The following SDK1 variants were observed in gnomAD, a reference collection of about 807,000 sequenced individuals.
The protein encoded by SDK1 is protein sidekick-1.
Under a neutral mutation model 245.5 loss-of-function variants are expected in SDK1, and 157 were observed. The observed-to-expected ratio is 0.64, with a 90% CI of 0.56 to 0.73. The LOEUF (loss-of-function observed/expected upper bound fraction) is 0.73. Among genes scored for constraint, SDK1 ranks in the 30% least tolerant of loss-of-function variants. The probability of loss-of-function intolerance (pLI) is 0.00; values close to 1 mark genes in which losing one functional copy is unlikely to be tolerated. For synonymous variants in SDK1, 1,647 were observed against 1,278.5 expected, an observed-to-expected ratio of 1.29 and a Z score of -6.15; for missense variants, 3,583 against 3,002.3, an observed-to-expected ratio of 1.19 and a Z score of -4.52.
At chr7:3,504,788 A>T (rs578131009) in intron 1 of SDK1, among the ~76,000 whole-genome samples, 10 of 152,122 alleles carry the variant, frequency 6.6e-5, no homozygotes, top group African/African-American at 2.2e-4. Context: ...AGGAAAAAAA[A>T]AAAACCATAC....
intron 1 of SDK1, among the ~76,000 whole-genome samples, chr7:3,406,944 A>G (rs923826468): frequency 1.3e-5 from 2 of 150,626 alleles, no homozygotes; most frequent in African/African-American, 5.0e-5. Context: ...ATCCTTTTTT[A>G]GTTTTAAACT....
intron 5 of SDK1, among the ~76,000 whole-genome samples, chr7:3,848,230 C>T (rs912345557): frequency 2.0e-5 from 3 of 152,254 alleles, no homozygotes; most frequent in East Asian, 1.9e-4. Context: ...CATCTCTTAA[C>T]GAGATGGATT....
At chr7:4,049,206 A>G (rs2128165660) in intron 17 of SDK1, 142 bp from the exon 18 acceptor site, 1 of 628,082 alleles carries the variant, frequency 1.6e-6, no homozygotes, top group Non-Finnish European at 2.8e-6. Flanking sequence ...TAAGCTTCCC[A>G]AAACATTCAT....
At chr7:4,035,753 A>G (rs1788162043) in intron 17 of SDK1, among the ~76,000 whole-genome samples, 1 of 152,200 alleles carries the variant, frequency 6.6e-6, no homozygotes. Context: ...GAAGCAGATA[A>G]TGTGTAAGAT....
At chr7:3,961,667 A>C (rs1781691177) in intron 8 of SDK1, among the ~76,000 whole-genome samples, 1 of 152,134 alleles carries the variant, frequency 6.6e-6, no homozygotes, top group African/African-American at 2.4e-5. Context: ...TGCTCCTCTG[A>C]GACAGTAGAA....
chr7:3,698,984 G>A (rs541981471), intron 4 of SDK1, among the ~76,000 whole-genome samples: 8 of 152,274 alleles, frequency 5.3e-5, no homozygotes, highest in Non-Finnish European at 7.4e-5. Context: ...CCCAGGGGAC[G>A]CTGGAGCTTT....
intron 1 of SDK1, among the ~76,000 whole-genome samples, chr7:3,584,719 T>G (rs1215639926): frequency 2.1e-5 from 3 of 141,474 alleles, no homozygotes; most frequent in African/African-American, 8.2e-5. Flanking sequence ...GGGTGACCCA[T>G]GACTTCACGT....
At chr7:3,821,896 A>G (rs1478884351) in intron 5 of SDK1, among the ~76,000 whole-genome samples, 1 of 152,228 alleles carries the variant, frequency 6.6e-6, no homozygotes, top group African/African-American at 2.4e-5. Context: ...CTTTCAATTT[A>G]AATGAATTGT....
chr7:3,874,694 G>C (rs999054351), intron 5 of SDK1, among the ~76,000 whole-genome samples: 4 of 152,112 alleles, frequency 2.6e-5, no homozygotes, highest in African/African-American at 7.2e-5. Flanking sequence ...TGCATAGTAA[G>C]GCTTTCATTC....
At chr7:3,845,974 A>G (rs1780267959) in intron 5 of SDK1, among the ~76,000 whole-genome samples, 1 of 152,184 alleles carries the variant, frequency 6.6e-6, no homozygotes, top group Non-Finnish European at 1.5e-5. Flanking sequence ...ATAATTTTAG[A>G]CCGTATTCCC....
At position 3,392,487 on chromosome 7, in the gene SDK1, C is replaced by T. The variant is rs143778872; in HGVS notation, c.298+90603C>T. On this transcript the variant is annotated intron_variant, in intron 1 of 44. Coordinates refer to ENST00000404826, the MANE Select transcript of SDK1 (RefSeq NM_152744.4). ...TATAGCATAGAATTTGTCATTTTAA[C>T]CATTTAAAAAGTGCAGTTCAGTGAC... 2.6e-5 allele frequency among the ~76,000 whole-genome samples: 4 copies of T among 152,004 alleles called. No individual in the cohort carries two copies. In the East Asian group the frequency reaches 7.7e-4, roughly 29 times the overall value.
intron 25 of SDK1, among the ~76,000 whole-genome samples, chr7:4,117,005 ATC>A (rs1310381220): frequency 1.3e-5 from 2 of 152,164 alleles, no homozygotes; most frequent in Non-Finnish European, 2.9e-5. Context: ...GATTTCAAAA[ATC>A]TCTGTTATCT....
At chr7:3,822,077 G>C (rs1168218977) in intron 5 of SDK1, among the ~76,000 whole-genome samples, 8 of 152,176 alleles carry the variant, frequency 5.3e-5, no homozygotes, top group Non-Finnish European at 1.0e-4. Context: ...GATTCTTGAA[G>C]ACAATGCACA....
intron 1 of SDK1, among the ~76,000 whole-genome samples, chr7:3,565,671 G>C (rs1015592901): frequency 6.6e-6 from 1 of 152,140 alleles, no homozygotes; most frequent in Non-Finnish European, 1.5e-5. Context: ...TCAAATCCCT[G>C]ACTTAAAACA....
chr7:3,790,656 A>G (rs1425734241), intron 4 of SDK1, among the ~76,000 whole-genome samples: 1 of 152,108 alleles, frequency 6.6e-6, no homozygotes, highest in Non-Finnish European at 1.5e-5. Context: ...AAAATACAAA[A>G]TTATCTGGGC....
chr7:3,489,321 G>A (rs1191595816), intron 1 of SDK1, among the ~76,000 whole-genome samples: 2 of 152,158 alleles, frequency 1.3e-5, no homozygotes, highest in Non-Finnish European at 2.9e-5. Context: ...TGTAACTTAA[G>A]CATCTTTTTT....
At chr7:3,593,974 G>T (rs1233126585) in intron 1 of SDK1, among the ~76,000 whole-genome samples, 13 of 152,012 alleles carry the variant, frequency 8.6e-5, no homozygotes. Flanking sequence ...ACAGCCATAG[G>T]GTTCACCATT....
At chr7:4,067,223 C>T (rs17134314) in intron 19 of SDK1, among the ~76,000 whole-genome samples, 33,912 of 152,196 alleles carry the variant, frequency 0.22, 5,076 homozygotes, top group African/African-American at 0.43. Context: ...AGCGTTCAAG[C>T]GTAACTCTGC....
At chr7:3,404,844 G>C (rs1779006696) in intron 1 of SDK1, among the ~76,000 whole-genome samples, 1 of 152,178 alleles carries the variant, frequency 6.6e-6, no homozygotes, top group Admixed American at 6.5e-5. Flanking sequence ...AAGGCATGAA[G>C]TTTAAAATAA....
Sources: allele counts gnomAD v4.1 joint callset (sites outside exome capture counted in the v4.1 genomes callset), GRCh38; gene constraint gnomAD v4.1.1; transcripts MANE v1.5; gene names NCBI Gene and HGNC (gene_info 2026-07-23, HGNC 2026-07-21).